Variants in TMEM117 observed in about 807,000 individuals in gnomAD.
TMEM117 encodes the protein transmembrane protein 117.
Under a neutral mutation model 52.4 loss-of-function variants are expected in TMEM117, and 27 were observed. The ratio of observed to expected loss-of-function variants is 0.51; its 90% CI spans 0.38 to 0.71. The LOEUF is 0.71. Ranked by LOEUF, TMEM117 falls within the 30% of genes least tolerant of loss-of-function variation. The pLI, the probability that TMEM117 is intolerant of heterozygous loss-of-function variation, is 0.00. For missense variants in TMEM117, 556 were observed against 630.5 expected (o/e 0.88, Z 1.26); for synonymous variants, 215 against 206.3 (o/e 1.04, Z -0.36).
chr12:44,239,256 C>A lies in TMEM117; in HGVS notation c.608+27869C>A, dbSNP rs552164300. On this transcript the variant is annotated intron_variant, in intron 5 of 7. Transcript: ENST00000266534. Reference sequence around the variant, plus strand: ...TCAAATAATGGGTGAAAATGTTGAACAGAACAAGATCGAACACAGATCTGG... The same window carrying A: ...TCAAATAATGGGTGAAAATGTTGAAAAGAACAAGATCGAACACAGATCTGG... Among the ~76,000 whole-genome samples, 6 of 152,152 alleles carry A rather than the reference C, an allele frequency of 3.9e-5. No individual in the cohort carries two copies. In the East Asian group the frequency reaches 1.2e-3, roughly 29 times the overall value.
intron 2 of TMEM117, among the ~76,000 whole-genome samples, chr12:43,906,988 G>C (rs1296659450): frequency 3.3e-5 from 5 of 152,140 alleles, no homozygotes; most frequent in South Asian, 2.1e-4. Context: ...CTGGGTGGAG[G>C]CCACCACAGC....
rs1291431738 is a variant in TMEM117 at position 43,863,989 on chromosome 12, G to A, written c.277+19061G>A. Among the ~76,000 whole-genome samples, 4 of 152,330 alleles carry A rather than the reference G, an allele frequency of 2.6e-5. No homozygotes were observed. In the East Asian group the frequency reaches 7.7e-4, roughly 29 times the overall value. ...GCATGGGCTTGGCGGCCCCACACTC[G>A]GAGCTGCCGGCCAGCCAGCCCTGGA... On this transcript the variant is annotated intron_variant, in intron 2 of 7. Coordinates refer to ENST00000266534, the MANE Select transcript of TMEM117 (RefSeq NM_032256.3).
At chr12:44,114,786 T>A (rs1229795980) in intron 3 of TMEM117, among the ~76,000 whole-genome samples, 1 of 152,198 alleles carries the variant, frequency 6.6e-6, no homozygotes, top group African/African-American at 2.4e-5. Context: ...CACATTATTC[T>A]TCTGTGCGTT....
At chr12:44,070,374 C>T (rs1055390888) in intron 3 of TMEM117, among the ~76,000 whole-genome samples, 1 of 152,130 alleles carries the variant, frequency 6.6e-6, no homozygotes, top group Non-Finnish European at 1.5e-5. Context: ...CTCTGTGTTA[C>T]AGGCTATCTG....
At chr12:44,222,154 A>T (rs970048211) in intron 5 of TMEM117, among the ~76,000 whole-genome samples, 1 of 151,994 alleles carries the variant, frequency 6.6e-6, no homozygotes, top group African/African-American at 2.4e-5. Flanking sequence ...TGATCTTTTA[A>T]TTCCTAGCCT....
intron 3 of TMEM117, among the ~76,000 whole-genome samples, chr12:44,053,869 A>G (rs1224134492): frequency 6.6e-6 from 1 of 152,198 alleles, no homozygotes; most frequent in African/African-American, 2.4e-5. Flanking sequence ...GAAGAATATT[A>G]TTTTAACATC....
chr12:43,826,920 T>C, the TMEM117 span, among the ~76,000 whole-genome samples: 1 of 152,120 alleles, frequency 6.6e-6, no homozygotes, highest in South Asian at 2.1e-4. Flanking sequence ...ACATCACAGA[T>C]GCGTTAGTCT....
At chr12:43,853,242 G>C (rs576804923) in intron 2 of TMEM117, among the ~76,000 whole-genome samples, 1 of 152,208 alleles carries the variant, frequency 6.6e-6, no homozygotes, top group South Asian at 2.1e-4. Context: ...AAATAAATTT[G>C]TTTCTTCATC....
chr12:44,247,265 T>G (rs960295735), intron 5 of TMEM117, among the ~76,000 whole-genome samples: 3 of 152,156 alleles, frequency 2.0e-5, no homozygotes, highest in African/African-American at 7.2e-5. Flanking sequence ...TAGCTGAACT[T>G]TATACTATTA....
intron 4 of TMEM117, among the ~76,000 whole-genome samples, chr12:44,207,882 G>A (rs1949590895): frequency 6.6e-6 from 1 of 151,840 alleles, no homozygotes; most frequent in African/African-American, 2.4e-5. Context: ...GCACATAATG[G>A]TATAGATGTG....
intron 3 of TMEM117, among the ~76,000 whole-genome samples, chr12:44,093,258 T>C (rs17094062): frequency 0.12 from 18,860 of 152,116 alleles, 1,420 homozygotes; most frequent in African/African-American, 0.21. Flanking sequence ...TTAAATTATA[T>C]ATTCACAGCT....
chr12:43,803,543 AAAT>A, the TMEM117 span, among the ~76,000 whole-genome samples: 1 of 152,144 alleles, frequency 6.6e-6, no homozygotes, highest in Non-Finnish European at 1.5e-5. Context: ...TAAAACCAGA[AAAT>A]AATAACTTAG....
intron 2 of TMEM117, among the ~76,000 whole-genome samples, chr12:43,852,594 T>G (rs1943329684): frequency 6.6e-6 from 1 of 152,198 alleles, no homozygotes; most frequent in Non-Finnish European, 1.5e-5. Flanking sequence ...AGCGAGACTC[T>G]GTCTCAAAAA....
At chr12:43,890,834 G>T (rs961011429) in intron 2 of TMEM117, among the ~76,000 whole-genome samples, 1 of 151,946 alleles carries the variant, frequency 6.6e-6, no homozygotes, top group South Asian at 2.1e-4. Context: ...CCAGCCCCAA[G>T]GGATATTTTC....
intron 3 of TMEM117, among the ~76,000 whole-genome samples, chr12:43,993,377 A>T (rs936255992): frequency 3.3e-5 from 5 of 152,324 alleles, no homozygotes. Context: ...TGTTTGTTAC[A>T]CTTATCATTA....
chr12:44,176,248 A>G (rs995181946), intron 4 of TMEM117, among the ~76,000 whole-genome samples: 1 of 152,188 alleles, frequency 6.6e-6, no homozygotes, highest in Non-Finnish European at 1.5e-5. Flanking sequence ...AAGCTCTGCT[A>G]GGGCAAGGAT....
intron 2 of TMEM117, among the ~76,000 whole-genome samples, chr12:43,871,036 T>A (rs1447177139): frequency 6.6e-6 from 1 of 151,454 alleles, no homozygotes; most frequent in East Asian, 2.0e-4. Flanking sequence ...CCACCCGCCT[T>A]GGCCTGTCAT....
intron 3 of TMEM117, among the ~76,000 whole-genome samples, chr12:44,058,286 G>C (rs1231303916): frequency 6.6e-6 from 1 of 152,136 alleles, no homozygotes; most frequent in Non-Finnish European, 1.5e-5. Flanking sequence ...ACAAGGGATA[G>C]TCAAATCAGT....
chr12:44,084,489 A>G lies in TMEM117; in HGVS notation c.411-59036A>G, dbSNP rs368675941. 2.2e-4 allele frequency among the ~76,000 whole-genome samples: 33 copies of G among 152,276 alleles called. No homozygotes were observed. The East Asian group carries it at 2.5e-3, about 12-fold the overall frequency. On this transcript the variant is annotated intron_variant, in intron 3 of 7. Coordinates refer to ENST00000266534, the MANE Select transcript of TMEM117 (RefSeq NM_032256.3). ...ATTTAAAATACAACTTTAAAATCCA[A>G]TTGTGTCCTAAAGTGATATTTCACA...
Sources: gnomAD v4.1 joint callset for allele counts (sites outside exome capture counted in the v4.1 genomes callset) on GRCh38, gnomAD v4.1.1 for gene constraint, MANE v1.5 for transcripts, NCBI Gene and HGNC (gene_info 2026-07-23, HGNC 2026-07-21) for gene names.